The following CFAP299 variants were observed in gnomAD, a reference collection of about 807,000 sequenced individuals.
CFAP299 encodes cilia and flagella associated protein 299.
Under a neutral mutation model 27.0 loss-of-function variants are expected in CFAP299, and 21 were observed. The observed-to-expected ratio is 0.78, with a 90% CI of 0.55 to 1.12. The LOEUF is 1.12. CFAP299 is among the 50% of genes most tolerant of loss of function. CFAP299 has a pLI of 0.00. For synonymous variants in CFAP299, 104 were observed against 98.1 expected (o/e 1.06, Z -0.36); for missense variants, 310 against 276.6 (o/e 1.12, Z -0.86).
At chr4:80,694,807 A>G (rs1720985033) in intron 3 of CFAP299, among the ~76,000 whole-genome samples, 1 of 152,226 alleles carries the variant, frequency 6.6e-6, no homozygotes, top group South Asian at 2.1e-4. Flanking sequence ...TTTGATGTGT[A>G]TTGAATTTTA....
At chr4:80,910,449 A>G (rs1267602198) in intron 4 of CFAP299, among the ~76,000 whole-genome samples, 1 of 152,152 alleles carries the variant, frequency 6.6e-6, no homozygotes, top group African/African-American at 2.4e-5. Context: ...CAGACTGAAT[A>G]AAGAAATTGT....
intron 3 of CFAP299, among the ~76,000 whole-genome samples, chr4:80,749,939 T>A (rs1260670483): frequency 6.6e-6 from 1 of 152,224 alleles, no homozygotes; most frequent in East Asian, 1.9e-4. Context: ...ATATTAACCA[T>A]CACAGTACTT....
chr4:80,390,649 G>GCATACACATATATGTAGA (rs1725331012), intron 2 of CFAP299, among the ~76,000 whole-genome samples: 1 of 78,036 alleles, frequency 1.3e-5, no homozygotes, highest in African/African-American at 8.2e-5. Context: ...ATATATGTAT[G>GCATACACATATATGTAGA]TACACACATA....
intron 2 of CFAP299, among the ~76,000 whole-genome samples, chr4:80,432,132 G>T (rs969448416): frequency 7.9e-5 from 12 of 152,114 alleles, no homozygotes; most frequent in African/African-American, 2.6e-4. Flanking sequence ...CAAAATATTA[G>T]GAGTCAACAC....
intron 2 of CFAP299, among the ~76,000 whole-genome samples, chr4:80,570,305 T>A (rs1735521773): frequency 1.3e-5 from 2 of 152,096 alleles, no homozygotes; most frequent in East Asian, 3.9e-4. Context: ...CAAATTAGAT[T>A]TAATTATAGA....
At chr4:80,514,236 C>A (rs973814766) in intron 2 of CFAP299, among the ~76,000 whole-genome samples, 4 of 151,996 alleles carry the variant, frequency 2.6e-5, no homozygotes, top group African/African-American at 9.7e-5. Context: ...TAGTAATGAA[C>A]TTTTCAGATG....
At chr4:80,722,934 G>C (rs1722925118) in intron 3 of CFAP299, among the ~76,000 whole-genome samples, 1 of 151,780 alleles carries the variant, frequency 6.6e-6, no homozygotes, top group Admixed American at 6.6e-5. Flanking sequence ...AATAAAAGTA[G>C]AACAGATTTG....
rs138994130 is a variant in CFAP299, at chr4:80,387,166, G to A, written c.242+24282G>A. The A allele has an allele frequency of 7.2e-3, 9,826 of 1,358,782 alleles. 60 individuals carry two copies. Among genetic ancestry groups the A allele is most frequent in the Middle Eastern group, 0.028 (158 of 5,560 alleles). 84.2% of individuals were successfully genotyped at this position (1,358,782 alleles called of 1,614,324 possible). Reference sequence around the variant, plus strand: ...TGTAGACGGCACTGCCCTTCTTGGGGCTGTGCTGTGGAAGGAGGCTGTGGG... The same window carrying A: ...TGTAGACGGCACTGCCCTTCTTGGGACTGTGCTGTGGAAGGAGGCTGTGGG... On this transcript the variant is annotated intron_variant, in intron 2 of 5. Transcript: ENST00000358105.
At chr4:80,677,782 TA>T (rs1296116702) in intron 3 of CFAP299, among the ~76,000 whole-genome samples, 7 of 152,242 alleles carry the variant, frequency 4.6e-5, no homozygotes, top group Middle Eastern at 6.8e-3. Context: ...TTGTAAAGTT[TA>T]TTTTATAGCA....
chr4:80,429,804 G>T (rs897557184), intron 2 of CFAP299, among the ~76,000 whole-genome samples: 2 of 151,966 alleles, frequency 1.3e-5, no homozygotes, highest in Admixed American at 1.3e-4. Flanking sequence ...CTTGAAAGAA[G>T]TTGATTTGGG....
intron 3 of CFAP299, among the ~76,000 whole-genome samples, chr4:80,811,980 G>A (rs1288678492): frequency 6.6e-6 from 1 of 152,026 alleles, no homozygotes; most frequent in South Asian, 2.1e-4. Flanking sequence ...TAAAGAAAAA[G>A]AAGCTAAAAG....
intron 2 of CFAP299, among the ~76,000 whole-genome samples, chr4:80,366,960 T>G (rs1441047980): frequency 1.3e-5 from 2 of 152,168 alleles, no homozygotes; most frequent in Non-Finnish European, 2.9e-5. Flanking sequence ...AAAAAAAGAC[T>G]ACTTACTGCA....
intron 3 of CFAP299, among the ~76,000 whole-genome samples, chr4:80,621,420 TTTG>T (rs1481422112): frequency 1.3e-5 from 2 of 152,158 alleles, no homozygotes; most frequent in African/African-American, 2.4e-5. Context: ...AAATAAATAT[TTTG>T]TTATTTTTCA....
At chr4:80,339,532 G>C (rs1340446946) in intron 1 of CFAP299, among the ~76,000 whole-genome samples, 1 of 152,164 alleles carries the variant, frequency 6.6e-6, no homozygotes. Flanking sequence ...AGAGGAGTAA[G>C]GTGGCTCAGA....
At chr4:80,410,073 G>A (rs1258357597) in intron 2 of CFAP299, among the ~76,000 whole-genome samples, 3 of 152,208 alleles carry the variant, frequency 2.0e-5, no homozygotes, top group African/African-American at 4.8e-5. Flanking sequence ...AAGGGAAGAC[G>A]AAGGGATGAT....
chr4:80,470,419 T>C (rs1037615380), intron 2 of CFAP299, among the ~76,000 whole-genome samples: 1 of 152,070 alleles, frequency 6.6e-6, no homozygotes, highest in Non-Finnish European at 1.5e-5. Context: ...GGCAATATTT[T>C]AATAAATCAA....
intron 4 of CFAP299, among the ~76,000 whole-genome samples, chr4:80,906,384 G>A (rs1735187775): frequency 6.6e-6 from 1 of 152,178 alleles, no homozygotes; most frequent in African/African-American, 2.4e-5. Context: ...GTTTTTCCAG[G>A]TGCATGGTGC....
chr4:80,716,361 A>G (rs1722479912), intron 3 of CFAP299, among the ~76,000 whole-genome samples: 1 of 150,912 alleles, frequency 6.6e-6, no homozygotes, highest in African/African-American at 2.4e-5. Flanking sequence ...GAATGTCAAT[A>G]AGGATAGTAT....
intron 2 of CFAP299, among the ~76,000 whole-genome samples, chr4:80,446,197 A>G (rs1728607051): frequency 6.6e-6 from 1 of 152,140 alleles, no homozygotes; most frequent in South Asian, 2.1e-4. Flanking sequence ...TCAGCCAACC[A>G]CCTGTGGAAC....
Sources: allele counts gnomAD v4.1 joint callset (sites outside exome capture counted in the v4.1 genomes callset), GRCh38; gene constraint gnomAD v4.1.1; transcripts MANE v1.5; gene names NCBI Gene and HGNC (gene_info 2026-07-23, HGNC 2026-07-21).